LARP4B: variants seen among roughly 807,000 people sequenced by gnomAD.
The protein encoded by LARP4B is La ribonucleoprotein 4B.
LARP4B carries 12 observed loss-of-function variants against 89.8 expected under a neutral mutation model. The ratio of observed to expected loss-of-function variants is 0.13; its 90% CI spans 0.09 to 0.22. The LOEUF (loss-of-function observed/expected upper bound fraction) is 0.22. LARP4B is among the 10% of genes least tolerant of loss of function. LARP4B has a pLI of 1.00. For synonymous variants in LARP4B, 367 were observed against 363.3 expected, an observed-to-expected ratio of 1.01 and a Z score of -0.12; for missense variants, 757 against 947.7, an observed-to-expected ratio of 0.80 and a Z score of 2.64.
chr10:863,901 C>A lies in LARP4B; in HGVS notation c.290-18G>T. On this transcript the variant is annotated intron_variant, in intron 4 of 17. Transcript: ENST00000316157. ...ATCCGATCCTACAATTAGGAGTTTACCCCAAAAAGGCAGGGTTAGAAGCAT... is the reference window on the plus strand; with the variant it reads ...ATCCGATCCTACAATTAGGAGTTTAACCCAAAAAGGCAGGGTTAGAAGCAT... The A allele has an allele frequency of 6.2e-7, 1 of 1,602,362 alleles. No homozygotes were observed.
chr10:904,519 C>G (rs1171323334), intron 1 of LARP4B, among the ~76,000 whole-genome samples: 6 of 151,402 alleles, frequency 4.0e-5, no homozygotes, highest in African/African-American at 4.9e-5. Context: ...CGAGATCATG[C>G]CACTGCACTC....
chr10:839,167 T>TA (rs1833387559), intron 7 of LARP4B, among the ~76,000 whole-genome samples: 1 of 152,222 alleles, frequency 6.6e-6, no homozygotes, highest in Admixed American at 6.5e-5. Context: ...TTACCCTGTA[T>TA]GATACTGTAA....
chr10:835,744 C>G, intron 8 of LARP4B, among the ~76,000 whole-genome samples: 1 of 152,098 alleles, frequency 6.6e-6, no homozygotes, highest in East Asian at 1.9e-4. Flanking sequence ...ACCAGCCTGG[C>G]CAAGATGGTG....
intron 3 of LARP4B, among the ~76,000 whole-genome samples, chr10:867,951 G>A (rs1835001809): frequency 6.6e-6 from 1 of 150,972 alleles, no homozygotes; most frequent in Non-Finnish European, 1.5e-5. Flanking sequence ...CTAAGCAATG[G>A]TTATTAAAAC....
intron 13 of LARP4B, among the ~76,000 whole-genome samples, chr10:824,077 C>T (rs1378291446): frequency 6.6e-6 from 1 of 152,196 alleles, no homozygotes; most frequent in Non-Finnish European, 1.5e-5. Context: ...AGGGATGGTG[C>T]TGTACACATT....
rs765197525 is a variant in LARP4B, at chr10:825,809, G to A, written c.1187C>T (p.Ala396Val). ...NGFTSPAFKP[A>V]ASPLTSLRQY... is the part of the protein sequence containing the mutation. ...TCTGAGAGAAGTCAGAGGAGACGCC[G>A]CAGGCTTGAACGCTGGAGACGTAAA... Residue 396 changes from alanine to valine, a missense_variant, in exon 12 of 18, where the codon GCG becomes GTG. Transcript: ENST00000316157. 1.9e-5 allele frequency: 31 copies of A among 1,613,646 alleles called. No individual in the cohort carries two copies. The highest frequency in any genetic ancestry group is 1.7e-4 in the Admixed American group (10 of 59,966).
chr10:882,601 A>T (rs1835715276), intron 3 of LARP4B, among the ~76,000 whole-genome samples: 1 of 152,084 alleles, frequency 6.6e-6, no homozygotes, highest in Non-Finnish European at 1.5e-5. Flanking sequence ...GTTAGCCAGG[A>T]TGGTCTCGAT....
the LARP4B span, among the ~76,000 whole-genome samples, chr10:958,346 C>T: frequency 6.6e-6 from 1 of 152,206 alleles, no homozygotes; most frequent in East Asian, 1.9e-4. Flanking sequence ...GCGCAGACAC[C>T]CCGTGAAAGC....
rs910690423 is a variant in LARP4B, at chr10:822,567, G to A, written c.1485-1722C>T. On this transcript the variant is annotated intron_variant, in intron 13 of 17. Transcript: ENST00000316157. This position sits in a 1 kb window ranked among gnomAD's most constrained non-coding sequence, Gnocchi z 4.6. Reference sequence around the variant, plus strand: ...CAGACCCAGAAGCCCACCTGCAGCCGTAGAACACTGTCAGCTGTCAGTGCC... The same window carrying A: ...CAGACCCAGAAGCCCACCTGCAGCCATAGAACACTGTCAGCTGTCAGTGCC... Among the ~76,000 whole-genome samples, 5 of 152,220 alleles carry A rather than the reference G, an allele frequency of 3.3e-5. No individual in the cohort carries two copies. The highest frequency in any genetic ancestry group is 1.9e-4 in the East Asian group (1 of 5,202).
intron 1 of LARP4B, among the ~76,000 whole-genome samples, chr10:917,565 G>A (rs1185829908): frequency 6.6e-6 from 1 of 152,174 alleles, no homozygotes; most frequent in Non-Finnish European, 1.5e-5. Flanking sequence ...GACTAGCCTG[G>A]TACCTTGTTT....
At chr10:813,834 C>T (rs867519707) in intron 17 of LARP4B, among the ~76,000 whole-genome samples, 5 of 147,344 alleles carry the variant, frequency 3.4e-5, no homozygotes, top group South Asian at 2.1e-4. Context: ...CACAGTCTCA[C>T]TCTGTCGCAC....
chr10:882,547 C>G (rs1202335044), intron 3 of LARP4B, among the ~76,000 whole-genome samples: 2 of 152,132 alleles, frequency 1.3e-5, no homozygotes, highest in Non-Finnish European at 2.9e-5. Flanking sequence ...GCCACCACAC[C>G]TGGCTAATTT....
At chr10:863,361 T>C (rs1411065487) in intron 5 of LARP4B, among the ~76,000 whole-genome samples, 1 of 152,016 alleles carries the variant, frequency 6.6e-6, no homozygotes, top group Non-Finnish European at 1.5e-5. Context: ...TAGCTGGGAC[T>C]ACAGGCGCCC....
At chr10:960,969 CCA>C in the LARP4B span, among the ~76,000 whole-genome samples, 2 of 152,070 alleles carry the variant, frequency 1.3e-5, no homozygotes, top group Non-Finnish European at 2.9e-5. Context: ...GCCCAAAGCC[CCA>C]GAGAGGCAGA....
the LARP4B span, chr10:973,141 T>A: frequency 1.1e-5 from 4 of 353,450 alleles, 1 homozygote; most frequent in South Asian, 8.6e-5. Flanking sequence ...TGGAGGGGGA[T>A]GTGCTATGAG....
chr10:873,800 T>C (rs1196076233), intron 3 of LARP4B, among the ~76,000 whole-genome samples: 1 of 152,212 alleles, frequency 6.6e-6, no homozygotes, highest in African/African-American at 2.4e-5. Flanking sequence ...CAGTTAGAGA[T>C]GCATGCTGAA....
chr10:830,431 A>G lies in LARP4B; in HGVS notation c.861+436T>C, dbSNP rs547994218. Among the ~76,000 whole-genome samples, 3 of 152,336 alleles carry G rather than the reference A, an allele frequency of 2.0e-5. No homozygotes were observed. The East Asian group carries it at 5.8e-4, about 29-fold the overall frequency. On this transcript the variant is annotated intron_variant, in intron 9 of 17. Coordinates refer to ENST00000316157, the MANE Select transcript of LARP4B (RefSeq NM_015155.3). The stretch of plus-strand genomic sequence containing the variant: ...ATGTGCGTTAGTTTCCTCACAAATA[A>G]GATGCTTCCCTTAAAAGCAGGAAAA...
chr10:920,616 C>T (rs1836952406), intron 1 of LARP4B, among the ~76,000 whole-genome samples: 1 of 151,376 alleles, frequency 6.6e-6, no homozygotes, highest in South Asian at 2.1e-4. Context: ...TCTACTAAAA[C>T]TATAAAAATA....
At chr10:848,255 A>T (rs1225121614) in intron 5 of LARP4B, among the ~76,000 whole-genome samples, 1 of 152,190 alleles carries the variant, frequency 6.6e-6, no homozygotes. Context: ...CACACCTAAC[A>T]TCTTAAAAAC....
Sources: allele counts gnomAD v4.1 joint callset (sites outside exome capture counted in the v4.1 genomes callset), GRCh38; gene constraint gnomAD v4.1.1; non-coding constraint Gnocchi (gnomAD v3.1); transcripts MANE v1.5; gene names NCBI Gene and HGNC (gene_info 2026-07-23, HGNC 2026-07-21).